Variants in ZPLD1 observed in about 807,000 individuals in gnomAD.
ZPLD1 encodes zona pellucida like domain containing 1, also known as zona pellucida-like domain-containing protein 1.
A neutral mutation model predicts 47.2 loss-of-function variants in ZPLD1; 34 were observed. The observed-to-expected ratio is 0.72, with a 90% CI of 0.55 to 0.96. The LOEUF is 0.96. Among genes scored for constraint, ZPLD1 ranks in the 40% least tolerant of loss-of-function variants. The pLI is 0.00. For synonymous variants in ZPLD1, 176 were observed against 186.2 expected (o/e 0.95, Z 0.45); for missense variants, 512 against 505.8 (o/e 1.01, Z -0.12).
chr3:102,412,772 TTGAC>T (rs1056999648), intron 7 of ZPLD1, among the ~76,000 whole-genome samples: 1 of 151,620 alleles, frequency 6.6e-6, no homozygotes, highest in African/African-American at 2.4e-5. Flanking sequence ...CAAGCACAGA[TTGAC>T]TGGTTTCATT....
chr3:102,463,797 T>C (rs1038519948), intron 7 of ZPLD1, among the ~76,000 whole-genome samples: 11 of 150,120 alleles, frequency 7.3e-5, no homozygotes, highest in African/African-American at 2.7e-4. Flanking sequence ...CCCAGCACTT[T>C]GGGAGGCCGA....
rs550508107 is a variant in ZPLD1 at position 102,470,502 on chromosome 3, G to T, written c.1042G>T (p.Asp348Tyr). The T allele has an allele frequency of 6.2e-7, 1 of 1,613,220 alleles. No homozygotes were observed. The highest frequency in any genetic ancestry group is 1.3e-5 in the African/African-American group (1 of 74,964). Reference sequence around the variant, plus strand: ...TGCTGGTCCCATCATTACTCGGAGTGGTAAGTGTGCTCCTCCTTCTGTATG... The same window carrying T: ...TGCTGGTCCCATCATTACTCGGAGTTGTAAGTGTGCTCCTCCTTCTGTATG... ...LSAGPIITRSDETPTNNSQLG... is the reference protein window; with the variant it reads ...LSAGPIITRSYETPTNNSQLG... The change falls in exon 10 of 12, where the codon GAT becomes TAT. Residue 348 changes from aspartate to tyrosine, a missense_variant and splice_region_variant. By Grantham distance (160) the Asp-to-Tyr change is radical (BLOSUM62 -3). Transcript: ENST00000466937.
intron 10 of ZPLD1, among the ~76,000 whole-genome samples, chr3:102,471,349 C>T (rs79576427): frequency 0.01 from 1,596 of 152,266 alleles, 29 homozygotes; most frequent in African/African-American, 0.037. Context: ...GAATTCTCCA[C>T]GTCTTTATAA....
chr3:102,471,532 A>G (rs943946050), intron 10 of ZPLD1, among the ~76,000 whole-genome samples: 3 of 152,208 alleles, frequency 2.0e-5, no homozygotes, highest in Non-Finnish European at 4.4e-5. Context: ...ATGTATACAA[A>G]TATATGTGCA....
intron 3 of ZPLD1, among the ~76,000 whole-genome samples, chr3:102,442,990 T>A (rs1707204563): frequency 6.6e-6 from 1 of 152,160 alleles, no homozygotes; most frequent in African/African-American, 2.4e-5. Flanking sequence ...ACCAAGGAAT[T>A]ATTTGGTTAA....
At chr3:102,421,670 T>C (rs1051909110) in intron 8 of ZPLD1, among the ~76,000 whole-genome samples, 4 of 151,920 alleles carry the variant, frequency 2.6e-5, no homozygotes. Context: ...TGGTAAAAGA[T>C]TGTATTGTTT....
upstream of ZPLD1, among the ~76,000 whole-genome samples, chr3:102,431,706 C>T (rs1007411600): frequency 1.2e-4 from 18 of 152,076 alleles, no homozygotes; most frequent in South Asian, 2.5e-3. Flanking sequence ...GTCAGGAGTT[C>T]GCAACCAGCC....
At chr3:102,470,749 C>T (rs1707670992) in intron 10 of ZPLD1, among the ~76,000 whole-genome samples, 2 of 151,986 alleles carry the variant, frequency 1.3e-5, no homozygotes, top group African/African-American at 2.4e-5. Flanking sequence ...CACACACACG[C>T]ACACACGAGT....
rs189425733 is a variant in ZPLD1 at position 102,417,393 on chromosome 3, C to T, written c.-156-667C>T. ...CTGTGGTGCCTGTGTCGCAGGTTCC[C>T]ACTCTTCTTTCCAAAGAGGAATCAT... On this transcript the variant is annotated intron_variant, in intron 7 of 17. Coordinates refer to the ZPLD1 transcript ENST00000491959. 1.9e-3 allele frequency among the ~76,000 whole-genome samples: 282 copies of T among 152,050 alleles called. 1 individual carries two copies. Among genetic ancestry groups the T allele is most frequent in the Non-Finnish European group, 2.9e-3 (195 of 67,922 alleles).
chr3:102,404,414 G>A (rs1219090337), intron 7 of ZPLD1, among the ~76,000 whole-genome samples: 1 of 151,898 alleles, frequency 6.6e-6, no homozygotes, highest in African/African-American at 2.4e-5. Context: ...TGGATACTCT[G>A]CCTTCACCTA....
At chr3:102,422,858 T>C (rs1317081957) in intron 8 of ZPLD1, among the ~76,000 whole-genome samples, 1 of 151,996 alleles carries the variant, frequency 6.6e-6, no homozygotes, top group African/African-American at 2.4e-5. Flanking sequence ...ATTGGAGCTT[T>C]CTCCTGAGTG....
chr3:102,391,498 G>A (rs983233041), intron 6 of ZPLD1, among the ~76,000 whole-genome samples: 5 of 152,032 alleles, frequency 3.3e-5, no homozygotes, highest in African/African-American at 1.2e-4. Flanking sequence ...GGTATAAAAA[G>A]TGATACAGTT....
intron 4 of ZPLD1, among the ~76,000 whole-genome samples, chr3:102,454,821 ACTC>A (rs1343739462): frequency 2.0e-5 from 3 of 152,220 alleles, no homozygotes; most frequent in African/African-American, 4.8e-5. Flanking sequence ...ACACAACTGT[ACTC>A]CAGCCTGGGT....
At chr3:102,422,424 A>G (rs936239005) in intron 8 of ZPLD1, among the ~76,000 whole-genome samples, 6 of 152,070 alleles carry the variant, frequency 3.9e-5, no homozygotes, top group African/African-American at 1.2e-4. Context: ...TCCTACAACA[A>G]AGAATTATCT....
At chr3:102,451,913 A>G (rs1026432168) in intron 3 of ZPLD1, among the ~76,000 whole-genome samples, 3 of 152,128 alleles carry the variant, frequency 2.0e-5, no homozygotes, top group African/African-American at 7.2e-5. Context: ...ACCTATTTCC[A>G]AATAAAGCCT....
intron 1 of ZPLD1, among the ~76,000 whole-genome samples, chr3:102,435,670 T>G (rs984825455): frequency 6.9e-6 from 1 of 145,396 alleles, no homozygotes; most frequent in Non-Finnish European, 1.5e-5. Flanking sequence ...TGAGACGGAG[T>G]CTTGCTCTGT....
Position 102,435,078 on chromosome 3 carries a change from T to C in ZPLD1, c.-199T>C. On this transcript the variant is annotated 5_prime_UTR_variant, in exon 1 of 12. Transcript: ENST00000466937. ...CAATTTCAGAAAAGTATTTAGGGAC[T>C]GTGCTAAAATAGCATCTCCAAGCTT... is the stretch of plus-strand genomic sequence containing the variant. 2 of 1,612,808 alleles carry C rather than the reference T, an allele frequency of 1.2e-6. No homozygotes were observed. Among genetic ancestry groups the C allele is most frequent in the Non-Finnish European group, 1.7e-6 (2 of 1,178,812 alleles).
At chr3:102,459,898 C>T (rs1053315164) in intron 6 of ZPLD1, among the ~76,000 whole-genome samples, 1 of 152,092 alleles carries the variant, frequency 6.6e-6, no homozygotes, top group Non-Finnish European at 1.5e-5. Context: ...TACTCTTCCT[C>T]TTGTACATTC....
At chr3:102,458,001 T>C (rs984933837) in intron 6 of ZPLD1, 148 bp downstream of exon 6, 2 of 669,188 alleles carry the variant, frequency 3.0e-6, no homozygotes, top group African/African-American at 3.7e-5. Context: ...ACCATTTTCA[T>C]ATATCTTAGT....
Sources: gnomAD v4.1 joint callset for allele counts (sites outside exome capture counted in the v4.1 genomes callset) on GRCh38, gnomAD v4.1.1 for gene constraint, MANE v1.5 for transcripts, NCBI Gene and HGNC (gene_info 2026-07-23, HGNC 2026-07-21) for gene names.